Variants in CHMP1A observed in about 807,000 individuals in gnomAD.
CHMP1A encodes charged multivesicular body protein 1A.
In CHMP1A, 17 loss-of-function variants were observed where a neutral mutation model predicts 27.0. The observed-to-expected ratio is 0.63, with a 90% CI of 0.43 to 0.95. CHMP1A has a LOEUF of 0.95. Among genes scored for constraint, CHMP1A ranks in the 40% least tolerant of loss-of-function variants. The probability of loss-of-function intolerance (pLI) is 0.00; values close to 1 mark genes in which losing one functional copy is unlikely to be tolerated. For missense variants in CHMP1A, 275 were observed against 264.0 expected, an observed-to-expected ratio of 1.04 and a Z score of -0.29; for synonymous variants, 131 against 107.5, an observed-to-expected ratio of 1.22 and a Z score of -1.35.
In CHMP1A at chr16:89,653,909, A is replaced by G. The variant is rs2059844138; in HGVS notation, c.22T>C (p.Leu8=). ...AACGGCCATTCGGTACATACCTTCAACTGGAACAGGGTATCTGCAAAGAAA... is the reference window on the plus strand; with the variant it reads ...AACGGCCATTCGGTACATACCTTCAGCTGGAACAGGGTATCTGCAAAGAAA... MDDTLFQ[L]KFTAKQLEKL... Residue 8 remains leucine (L), a synonymous_variant, in exon 2 of 7, where the codon TTG becomes CTG. Transcript: ENST00000397901. The G allele has an allele frequency of 1.2e-6, 2 of 1,613,664 alleles. No homozygotes were observed. Among genetic ancestry groups the G allele is most frequent in the African/African-American group, 1.3e-5 (1 of 75,040 alleles).
intron 3 of CHMP1A, 23 bp downstream of exon 3, chr16:89,651,545 AC>A (rs1279475508): frequency 6.2e-7 from 1 of 1,610,310 alleles, no homozygotes; most frequent in Non-Finnish European, 8.5e-7. Context: ...GAGAGTCATG[AC>A]CCCACAGCCC....
At chr16:89,653,799 T>C (rs2059843287) in intron 2 of CHMP1A, 105 bp downstream of exon 2, 3 of 1,212,482 alleles carry the variant, frequency 2.5e-6, no homozygotes, top group Non-Finnish European at 3.7e-6. Context: ...GTCACTCAAC[T>C]GTTATATAAT....
chr16:89,646,167 C>CTTTTCCTCCTCAGTGTCCTGAG, intron 6 of CHMP1A, 80 bp from the exon 7 acceptor site: 1 of 1,316,890 alleles, frequency 7.6e-7, no homozygotes, highest in South Asian at 1.4e-5. Flanking sequence ...ACAGGTGACC[C>CTTTTCCTCCTCAGTGTCCTGAG]TTTTCCTCCT....
chr16:89,653,140 C>T (rs1389728605), intron 2 of CHMP1A, among the ~76,000 whole-genome samples: 9 of 150,230 alleles, frequency 6.0e-5, no homozygotes. Flanking sequence ...GCCTCAGCCT[C>T]CTGAGTAGCT....
At chr16:89,647,442 A>C in intron 4 of CHMP1A, 111 bp from the exon 5 acceptor site, 2 of 961,796 alleles carry the variant, frequency 2.1e-6, no homozygotes, top group Admixed American at 2.6e-5. Flanking sequence ...CCCAACCCTG[A>C]CCCACAAAAC....
intron 1 of CHMP1A, among the ~76,000 whole-genome samples, chr16:89,656,178 C>T (rs1165790397): frequency 6.6e-6 from 1 of 152,226 alleles, no homozygotes; most frequent in Non-Finnish European, 1.5e-5. Context: ...GCTCTGTCGC[C>T]CAGGCTGGAG....
chr16:89,646,268 C>G (rs977560928), intron 6 of CHMP1A, among the ~76,000 whole-genome samples, 181 bp from the exon 7 acceptor site: 2 of 152,198 alleles, frequency 1.3e-5, no homozygotes, highest in African/African-American at 4.8e-5. Context: ...GTGCAGTATT[C>G]TAAAGTGTAC....
In CHMP1A at chr16:89,653,908, A is replaced by T. The variant is rs1369755883; in HGVS notation, c.23T>A (p.Leu8Ter). The T allele has an allele frequency of 6.2e-7, 1 of 1,613,624 alleles. No homozygotes were observed. ...GAACGGCCATTCGGTACATACCTTC[A>T]ACTGGAACAGGGTATCTGCAAAGAA... MDDTLFQ[L>*]KFTAKQLEKL... The change falls in exon 2 of 7, where the codon TTG (leucine) becomes TAG (stop). Residue 8 changes from leucine to a stop codon, truncating the protein, a stop_gained. Coordinates refer to ENST00000397901, the MANE Select transcript of CHMP1A (RefSeq NM_002768.5). LOFTEE classifies it high-confidence loss of function.
chr16:89,649,593 TGA>T, intron 3 of CHMP1A, 96 bp from the exon 4 acceptor site: 1 of 1,449,498 alleles, frequency 6.9e-7, no homozygotes, highest in Non-Finnish European at 9.4e-7. Flanking sequence ...TTGTTTTGTT[TGA>T]GACGGAGTCT....
chr16:89,646,873 G>C (rs949381167), intron 5 of CHMP1A, 159 bp from the exon 6 acceptor site: 3 of 1,041,650 alleles, frequency 2.9e-6, no homozygotes, highest in South Asian at 3.1e-5. Context: ...CTTCCACCAG[G>C]AGCCTTTCCT....
intron 1 of CHMP1A, among the ~76,000 whole-genome samples, chr16:89,654,681 G>A (rs1043588413): frequency 1.3e-4 from 19 of 151,924 alleles, no homozygotes; most frequent in Non-Finnish European, 2.9e-5. Flanking sequence ...GGTGGCTCAC[G>A]CCTGTAATCC....
chr16:89,650,339 C>A (rs72805596), intron 3 of CHMP1A, among the ~76,000 whole-genome samples: 32,164 of 151,904 alleles, frequency 0.21, 3,556 homozygotes, highest in South Asian at 0.29. Context: ...TCACTGCGCC[C>A]GGCCTAGATC....
chr16:89,656,251 C>T (rs1459272651), intron 1 of CHMP1A, among the ~76,000 whole-genome samples: 1 of 152,214 alleles, frequency 6.6e-6, no homozygotes, highest in East Asian at 1.9e-4. Context: ...ATTCTCCTGC[C>T]TCAGCCTCCC....
chr16:89,646,803 T>G, intron 5 of CHMP1A, 89 bp from the exon 6 acceptor site: 1 of 1,376,348 alleles, frequency 7.3e-7, no homozygotes, highest in Non-Finnish European at 1.0e-6. Context: ...GCACTTTTCG[T>G]TCCCTCACAC....
intron 1 of CHMP1A, 34 bp from the exon 2 acceptor site, chr16:89,653,957 T>C (rs766069305): frequency 4.3e-6 from 7 of 1,611,054 alleles, no homozygotes; most frequent in Non-Finnish European, 5.9e-6. Flanking sequence ...GGTTTGAGGA[T>C]TGGGAATGGG....
chr16:89,652,201 C>G (rs1007686940), intron 2 of CHMP1A, among the ~76,000 whole-genome samples: 13 of 152,092 alleles, frequency 8.5e-5, no homozygotes, highest in Non-Finnish European at 1.2e-4. Context: ...GGCAACACCA[C>G]AAGGACACAG....
intron 5 of CHMP1A, 190 bp from the exon 6 acceptor site, chr16:89,646,904 C>T (rs2059778470): frequency 1.3e-6 from 1 of 796,582 alleles, no homozygotes; most frequent in Non-Finnish European, 2.0e-6. Flanking sequence ...CCAGCCCCAC[C>T]CTCTGACTGT....
rs374315039 is a variant in CHMP1A at position 89,651,613 on chromosome 16, T to C, written c.61A>G (p.Lys21Glu). The change falls in exon 3 of 7, where the codon AAG becomes GAG. Residue 21 changes from lysine (K) to glutamate (E), a missense_variant. Physicochemically the swap from Lys to Glu is moderately conservative, Grantham distance 56 (BLOSUM62 1). Transcript: ENST00000397901. The stretch of plus-strand genomic sequence containing the variant: ...TCCGCCTTGGAGTCCTTCTCCGCCT[T>C]CTTGGCCAGCTTCTCCAGCTGCTTC... ...TAKQLEKLAK[K>E]AEKDSKAEQA... The C allele has an allele frequency of 5.0e-6, 8 of 1,613,728 alleles. No homozygotes were observed. The African/African-American group carries it at 1.1e-4, about 22-fold the overall frequency.
At chr16:89,654,194 C>G (rs1469286745) in intron 1 of CHMP1A, among the ~76,000 whole-genome samples, 2 of 152,226 alleles carry the variant, frequency 1.3e-5, no homozygotes, top group Non-Finnish European at 1.5e-5. Context: ...TGGTACCAGC[C>G]AATCTCAAAG....
Sources: allele counts gnomAD v4.1 joint callset (sites outside exome capture counted in the v4.1 genomes callset), GRCh38; gene constraint gnomAD v4.1.1; transcripts MANE v1.5; gene names NCBI Gene and HGNC (gene_info 2026-07-23, HGNC 2026-07-21).